RBFOX1: variants seen among roughly 807,000 people sequenced by gnomAD.
RBFOX1 encodes RNA binding fox-1 homolog 1.
RBFOX1 carries 8 observed loss-of-function variants against 57.7 expected under a neutral mutation model. The observed-to-expected ratio is 0.14, with a 90% confidence interval of 0.08 to 0.25. RBFOX1 has a LOEUF of 0.25. Among genes scored for constraint, RBFOX1 ranks in the 10% least tolerant of loss-of-function variants. The pLI, the probability that RBFOX1 is intolerant of heterozygous loss-of-function variation, is 1.00. For synonymous variants in RBFOX1, 326 were observed against 222.4 expected, an observed-to-expected ratio of 1.47 and a Z score of -4.15; for missense variants, 611 against 548.5, an observed-to-expected ratio of 1.11 and a Z score of -1.14.
At chr16:5,725,829 A>T (rs1035728043) in intron 3 of RBFOX1, among the ~76,000 whole-genome samples, 1 of 151,718 alleles carries the variant, frequency 6.6e-6, no homozygotes, top group Non-Finnish European at 1.5e-5. Context: ...CAGCTCTCCG[A>T]GTTCTCTGCC....
intron 15 of RBFOX1, chr16:7,710,341 A>G (rs997676672): frequency 3.2e-5 from 40 of 1,258,518 alleles, no homozygotes; most frequent in Non-Finnish European, 4.0e-5. Context: ...AAAAAATGAG[A>G]CAGTGAAAAT....
chr16:7,553,538 C>T (rs928420558), intron 5 of RBFOX1, among the ~76,000 whole-genome samples: 12 of 152,210 alleles, frequency 7.9e-5, no homozygotes, highest in African/African-American at 2.7e-4. Context: ...TCAGGCACTA[C>T]TGAACATTGC....
At chr16:6,994,005 G>A (rs1451288950) in intron 3 of RBFOX1, among the ~76,000 whole-genome samples, 1 of 152,176 alleles carries the variant, frequency 6.6e-6, no homozygotes, top group East Asian at 1.9e-4. Context: ...GAAGTATGTG[G>A]TTTAATTACT....
At chr16:5,573,959 G>A (rs1391322145) in intron 2 of RBFOX1, among the ~76,000 whole-genome samples, 1 of 151,930 alleles carries the variant, frequency 6.6e-6, no homozygotes, top group East Asian at 1.9e-4. Context: ...GTCTCAAAAG[G>A]AAAAAGAAGA....
At chr16:7,335,646 T>G (rs2096773478) in intron 4 of RBFOX1, among the ~76,000 whole-genome samples, 1 of 151,230 alleles carries the variant, frequency 6.6e-6, no homozygotes, top group South Asian at 2.1e-4. Flanking sequence ...TGCCAGACTT[T>G]AAGACGGCAT....
At chr16:6,752,890 C>T (rs2075186332) in intron 3 of RBFOX1, among the ~76,000 whole-genome samples, 1 of 151,944 alleles carries the variant, frequency 6.6e-6, no homozygotes, top group African/African-American at 2.4e-5. Flanking sequence ...CCTCTGTTCT[C>T]CCAGAGAATT....
At position 6,103,306 on chromosome 16, in the gene RBFOX1, A is replaced by C. The variant is rs532563165; in HGVS notation, c.-127+83314A>C. On this transcript the variant is annotated intron_variant, in intron 1 of 15. Transcript: ENST00000550418. ...CATTCTGCAGTACTCATATGACAAA[A>C]GATGGGAGAAGTGATAATGGTATTC... 2.5e-3 allele frequency among the ~76,000 whole-genome samples: 388 copies of C among 152,330 alleles called. 6 individuals carry two copies. Among genetic ancestry groups the C allele is most frequent in the African/African-American group, 8.3e-3 (347 of 41,574 alleles).
intron 2 of RBFOX1, among the ~76,000 whole-genome samples, chr16:6,632,397 G>T (rs1445279034): frequency 6.6e-6 from 1 of 152,140 alleles, no homozygotes; most frequent in Non-Finnish European, 1.5e-5. Context: ...ACAGTATGGA[G>T]ACCAGTTGTG....
At chr16:7,002,610 G>C (rs1287969207) in intron 3 of RBFOX1, among the ~76,000 whole-genome samples, 1 of 152,146 alleles carries the variant, frequency 6.6e-6, no homozygotes, top group Admixed American at 6.6e-5. Flanking sequence ...CACTCGGGAG[G>C]CTGAGGCAGG....
chr16:6,338,371 A>G (rs2152821358), intron 2 of RBFOX1, among the ~76,000 whole-genome samples: 1 of 152,304 alleles, frequency 6.6e-6, no homozygotes, highest in South Asian at 2.1e-4. Context: ...CCTCTCCATC[A>G]CAATTCCTGA....
At chr16:6,174,263 T>A (rs2096985934) in intron 1 of RBFOX1, among the ~76,000 whole-genome samples, 1 of 152,188 alleles carries the variant, frequency 6.6e-6, no homozygotes, top group Non-Finnish European at 1.5e-5. Context: ...ACTGTTGCGC[T>A]GTCATCAGAA....
At chr16:6,778,482 A>G (rs1311545764) in intron 3 of RBFOX1, among the ~76,000 whole-genome samples, 2 of 152,154 alleles carry the variant, frequency 1.3e-5, no homozygotes, top group Non-Finnish European at 2.9e-5. Flanking sequence ...AAATATAATT[A>G]CACCCAATCC....
chr16:5,811,088 C>G (rs558145584), intron 3 of RBFOX1, among the ~76,000 whole-genome samples: 1 of 151,608 alleles, frequency 6.6e-6, no homozygotes, highest in Non-Finnish European at 1.5e-5. Context: ...TTTCTAAATC[C>G]GTACATTGGT....
In RBFOX1 at chr16:6,145,784, C is replaced by T. The variant is rs1447396221; in HGVS notation, c.-127+125792C>T. Among the ~76,000 whole-genome samples, 5 of 151,782 alleles carry T rather than the reference C, an allele frequency of 3.3e-5. No individual in the cohort carries two copies. The East Asian group carries it at 9.7e-4, about 29-fold the overall frequency. ...TTAAAAATAGACTAATCACAGTTTG[C>T]AAAGGAAAAAAAGAAAAAAGAAGCC... On this transcript the variant is annotated intron_variant, in intron 1 of 15. Coordinates refer to ENST00000550418, the MANE Select transcript of RBFOX1 (RefSeq NM_018723.4).
At chr16:6,009,067 G>A (rs558832489) in intron 4 of RBFOX1, among the ~76,000 whole-genome samples, 41 of 151,578 alleles carry the variant, frequency 2.7e-4, no homozygotes, top group African/African-American at 8.2e-4. Context: ...AAAATTCTAC[G>A]TGCTATCATA....
intron 4 of RBFOX1, among the ~76,000 whole-genome samples, chr16:7,248,203 G>T (rs1298967998): frequency 6.6e-6 from 1 of 152,100 alleles, no homozygotes. Context: ...TCTCTGATAG[G>T]GTCCCTGTGA....
chr16:6,299,574 C>T (rs557956899), intron 1 of RBFOX1, among the ~76,000 whole-genome samples: 7 of 152,186 alleles, frequency 4.6e-5, no homozygotes, highest in South Asian at 2.1e-4. Context: ...CCAGCGTCAT[C>T]GTCACTCTCA....
At chr16:7,581,591 C>T (rs933082806) in intron 6 of RBFOX1, among the ~76,000 whole-genome samples, 1 of 152,088 alleles carries the variant, frequency 6.6e-6, no homozygotes, top group African/African-American at 2.4e-5. Context: ...AAAATATTCA[C>T]AGGAATCAGA....
chr16:6,090,232 G>C (rs1195106703), intron 1 of RBFOX1: 1 of 152,124 alleles, frequency 6.6e-6, no homozygotes, highest in Non-Finnish European at 1.5e-5. Context: ...GGCCCACAGA[G>C]ATAATCCAGA....
Sources: allele counts gnomAD v4.1 joint callset (sites outside exome capture counted in the v4.1 genomes callset), GRCh38; gene constraint gnomAD v4.1.1; transcripts MANE v1.5; gene names NCBI Gene and HGNC (gene_info 2026-07-23, HGNC 2026-07-21).